The following DIPK1A variants were observed in gnomAD, a reference collection of about 807,000 sequenced individuals.
The protein encoded by DIPK1A is divergent protein kinase domain 1A, also known as family with sequence similarity 69 member A.
In DIPK1A, 27 loss-of-function variants were observed where a neutral mutation model predicts 40.8. That is an observed-to-expected ratio of 0.66 (90% confidence interval 0.49 to 0.91). DIPK1A has a LOEUF of 0.91. DIPK1A is among the 40% of genes least tolerant of loss of function. The pLI is 0.00. For synonymous variants in DIPK1A, 166 were observed against 171.3 expected (o/e 0.97, Z 0.24); for missense variants, 412 against 505.7 (o/e 0.81, Z 1.78).
intron 1 of DIPK1A, among the ~76,000 whole-genome samples, chr1:92,881,288 C>A (rs947367191): frequency 6.1e-5 from 8 of 131,528 alleles, no homozygotes; most frequent in African/African-American, 2.3e-4. Flanking sequence ...ATACTCCATA[C>A]ACAAATGTTC....
At chr1:92,931,614 C>A in intron 1 of DIPK1A, 1 of 155,308 alleles carries the variant, frequency 6.4e-6, no homozygotes. Flanking sequence ...AAGAGAAAGG[C>A]ATTACTGCTG....
In DIPK1A at chr1:92,961,434, A is replaced by C. The variant is rs778154969; in HGVS notation, c.-5T>G. 5 of 1,505,166 alleles carry C rather than the reference A, an allele frequency of 3.3e-6. No individual in the cohort carries two copies. The Admixed American group carries it at 9.8e-5, about 29-fold the overall frequency. The allele number at this position is 1,505,166 out of a possible 1,614,324, so 93.2% of individuals were successfully genotyped here. A position where few individuals can be genotyped will look rare whatever the true frequency, so the allele number is the denominator to read the frequency against. ...CGGACAGAGACTCCTCGCCATGGTA[A>C]TCACACATCGCCCCGCCGCGCTGCA... On this transcript the variant is annotated 5_prime_UTR_variant, in exon 1 of 5. Transcript: ENST00000370310.
At chr1:92,942,002 A>G (rs1257492704) in intron 1 of DIPK1A, among the ~76,000 whole-genome samples, 1 of 152,010 alleles carries the variant, frequency 6.6e-6, no homozygotes, top group Non-Finnish European at 1.5e-5. Context: ...AAAAAAAAAA[A>G]AGCCAGTGTG....
intron 4 of DIPK1A, chr1:92,833,769 C>T: frequency 1.2e-6 from 1 of 824,346 alleles, no homozygotes; most frequent in Non-Finnish European, 2.0e-6. Context: ...CCTCCAAAAG[C>T]ATCCAGTGAA....
intron 1 of DIPK1A, among the ~76,000 whole-genome samples, chr1:92,957,681 C>T (rs760777137): frequency 2.0e-5 from 3 of 152,194 alleles, no homozygotes; most frequent in Non-Finnish European, 2.9e-5. Context: ...AGAAGAAGGA[C>T]GACTTTCATG....
At chr1:92,872,898 C>T (rs1047323344) in intron 2 of DIPK1A, among the ~76,000 whole-genome samples, 1 of 152,158 alleles carries the variant, frequency 6.6e-6, no homozygotes, top group Non-Finnish European at 1.5e-5. Flanking sequence ...GGTTTTTAAC[C>T]TCTCATTCTG....
Position 92,959,902 on chromosome 1 carries a change from A to AT in DIPK1A, c.54+1473_54+1474insA, listed in dbSNP as rs1557502636. ...AGCTGGGACCACAGGCACCCAACCA[A>AT]CTTTTTTTTTTTTTTTTTTTTTTTT... On this transcript the variant is annotated intron_variant, in intron 1 of 4. Coordinates refer to ENST00000370310, the MANE Select transcript of DIPK1A (RefSeq NM_001006605.5). 1.1e-3 allele frequency among the ~76,000 whole-genome samples: 47 copies of AT among 43,092 alleles called. 2 individuals carry two copies. The highest frequency in any genetic ancestry group is 6.4e-3 in the Admixed American group (24 of 3,746). The allele number at this position is 43,092 out of a possible 152,430, so 28.3% of individuals were successfully genotyped here.
At chr1:92,911,727 G>A (rs758921628) in intron 1 of DIPK1A, among the ~76,000 whole-genome samples, 9 of 152,138 alleles carry the variant, frequency 5.9e-5, no homozygotes, top group South Asian at 4.2e-4. Context: ...TAGGCCAGGC[G>A]CAGTGGCTCA....
rs181570653 is a variant in DIPK1A, at chr1:92,921,022, T to C, written c.54+40354A>G. Among the ~76,000 whole-genome samples, 181 of 152,226 alleles carry C rather than the reference T, an allele frequency of 1.2e-3. 1 individual carries two copies. The highest frequency in any genetic ancestry group is 4.0e-3 in the African/African-American group (167 of 41,530). On this transcript the variant is annotated intron_variant, in intron 1 of 4. Transcript: ENST00000370310. ...GCCACCCACAGAGTAGTCTAGAGAA[T>C]TGTAGTCAAAGGCAAACTTGAGCTA...
At chr1:92,899,445 T>C (rs983322389) in intron 1 of DIPK1A, among the ~76,000 whole-genome samples, 2 of 152,220 alleles carry the variant, frequency 1.3e-5, no homozygotes, top group African/African-American at 4.8e-5. Flanking sequence ...GTCTTTACAA[T>C]TGAAGTGAGT....
intron 2 of DIPK1A, among the ~76,000 whole-genome samples, chr1:92,854,014 G>C (rs1687906329): frequency 6.6e-6 from 1 of 152,154 alleles, no homozygotes; most frequent in African/African-American, 2.4e-5. Context: ...AGTCTCCCGA[G>C]TAGCTGGGAC....
intron 3 of DIPK1A, among the ~76,000 whole-genome samples, chr1:92,849,729 G>T (rs973041289): frequency 6.6e-6 from 1 of 151,932 alleles, no homozygotes; most frequent in African/African-American, 2.4e-5. Flanking sequence ...GCTCAGGTTG[G>T]TCTTGAATGC....
chr1:92,868,760 G>A (rs1647685907), intron 2 of DIPK1A, among the ~76,000 whole-genome samples: 4 of 152,214 alleles, frequency 2.6e-5, no homozygotes, highest in Admixed American at 2.6e-4. Flanking sequence ...GAGGTCAGGA[G>A]TTCGAGACCA....
At chr1:92,840,830 TTC>T (rs1168667183), downstream of DIPK1A, 1 of 710,760 alleles carries the variant, frequency 1.4e-6, no homozygotes, top group Non-Finnish European at 2.6e-6. Context: ...ACTGAGGTGG[TTC>T]TTTCTATCCT....
chr1:92,837,255 A>C (rs894226688), downstream of DIPK1A: 2 of 756,940 alleles, frequency 2.6e-6, no homozygotes, highest in African/African-American at 1.7e-5. Flanking sequence ...TGTAGCATGA[A>C]TTTCTTTTCT....
At chr1:92,889,192 A>G (rs1457782943) in intron 1 of DIPK1A, among the ~76,000 whole-genome samples, 4 of 152,146 alleles carry the variant, frequency 2.6e-5, no homozygotes, top group Non-Finnish European at 4.4e-5. Flanking sequence ...ATATGGTGAA[A>G]GATAGAGGTC....
intron 2 of DIPK1A, among the ~76,000 whole-genome samples, chr1:92,862,161 C>T (rs1263266609): frequency 2.0e-5 from 3 of 152,172 alleles, no homozygotes; most frequent in Non-Finnish European, 2.9e-5. Flanking sequence ...ATTCCCACAG[C>T]TCTGAGGAAT....
chr1:92,886,636 T>C (rs1648613289), intron 1 of DIPK1A, among the ~76,000 whole-genome samples: 1 of 152,158 alleles, frequency 6.6e-6, no homozygotes, highest in Non-Finnish European at 1.5e-5. Flanking sequence ...TGCTATAATA[T>C]TGGATAGTGA....
At chr1:92,835,822 A>G (rs1357681633) in intron 4 of DIPK1A, among the ~76,000 whole-genome samples, 35 of 152,200 alleles carry the variant, frequency 2.3e-4, no homozygotes, top group Non-Finnish European at 4.4e-5. Flanking sequence ...GGAATTGTTA[A>G]GCATGTGCAG....
Sources: allele counts gnomAD v4.1 joint callset (sites outside exome capture counted in the v4.1 genomes callset), GRCh38; gene constraint gnomAD v4.1.1; transcripts MANE v1.5; gene names NCBI Gene and HGNC (gene_info 2026-07-23, HGNC 2026-07-21).